Variants in GABRA3 observed in about 807,000 individuals in gnomAD.
The protein encoded by GABRA3 is gamma-aminobutyric acid receptor subunit alpha-3.
GABRA3 carries 10 observed loss-of-function variants against 30.1 expected under a neutral mutation model. The observed-to-expected ratio is 0.33, with a 90% CI of 0.20 to 0.56. The LOEUF is 0.56. Ranked by LOEUF, GABRA3 falls within the 20% of genes least tolerant of loss-of-function variation. GABRA3 has a pLI of 0.89. For synonymous variants in GABRA3, 151 were observed against 146.8 expected, an observed-to-expected ratio of 1.03 and a Z score of -0.21; for missense variants, 233 against 392.0, an observed-to-expected ratio of 0.59 and a Z score of 3.42.
chrX:152,317,427 A>G (rs1455731120), intron 3 of GABRA3, among the ~76,000 whole-genome samples: 2 of 111,913 alleles, frequency 1.8e-5, no homozygotes, highest in South Asian at 7.4e-4. Context: ...CCAAGTCAAC[A>G]TAGAAACAAT....
chrX:152,340,377 T>A (rs978498831), intron 3 of GABRA3, among the ~76,000 whole-genome samples: 3 of 112,238 alleles, frequency 2.7e-5, no homozygotes, highest in Admixed American at 9.5e-5. Flanking sequence ...TACTTATCAT[T>A]TGGTGAGAAT....
At chrX:152,387,590 G>A (rs1929359039) in intron 1 of GABRA3, among the ~76,000 whole-genome samples, 1 of 111,311 alleles carries the variant, frequency 9.0e-6, no homozygotes, top group African/African-American at 3.3e-5. Flanking sequence ...TACATATATA[G>A]TGTTTCATAT....
At chrX:152,391,517 G>A (rs774278643) in intron 1 of GABRA3, among the ~76,000 whole-genome samples, 3 of 111,231 alleles carry the variant, frequency 2.7e-5, no homozygotes, top group Admixed American at 9.6e-5. Context: ...CATGACATGC[G>A]CTCCAATGAT....
At chrX:152,239,227 A>C (rs1425475591) in intron 5 of GABRA3, among the ~76,000 whole-genome samples, 8 of 101,182 alleles carry the variant, frequency 7.9e-5, no homozygotes, top group African/African-American at 1.8e-4. Flanking sequence ...GAACATCTTT[A>C]TTTCTGCCTT....
chrX:152,323,402 G>C (rs756138554), intron 3 of GABRA3, among the ~76,000 whole-genome samples: 40 of 111,605 alleles, frequency 3.6e-4, no homozygotes, highest in Non-Finnish European at 7.3e-4. Context: ...CCTTGAACGG[G>C]AAAGTTTCCT....
chrX:152,291,034 T>C (rs1030634585), intron 3 of GABRA3, among the ~76,000 whole-genome samples: 2 of 111,976 alleles, frequency 1.8e-5, no homozygotes, highest in South Asian at 3.8e-4. Flanking sequence ...AAAGTAGTTT[T>C]TTTCCAATTC....
intron 7 of GABRA3, among the ~76,000 whole-genome samples, chrX:152,200,142 G>C (rs1043403569): frequency 1.3e-4 from 15 of 111,980 alleles, no homozygotes; most frequent in African/African-American, 4.5e-4. Flanking sequence ...ATCTCTCAAA[G>C]AGTAAAAGCC....
chrX:152,427,318 T>A (rs1254448396), intron 1 of GABRA3, among the ~76,000 whole-genome samples: 1 of 111,513 alleles, frequency 9.0e-6, no homozygotes, highest in Non-Finnish European at 1.9e-5. Flanking sequence ...TATTTTCACA[T>A]CTCATTCTGT....
intron 2 of GABRA3, among the ~76,000 whole-genome samples, chrX:152,351,442 A>G (rs1276636604): frequency 9.0e-6 from 1 of 111,501 alleles, no homozygotes; most frequent in Admixed American, 9.6e-5. Context: ...AACCTCATGA[A>G]CCAACCTCCA....
intron 5 of GABRA3, among the ~76,000 whole-genome samples, chrX:152,238,959 G>T (rs111257808): frequency 9.0e-6 from 1 of 110,910 alleles, no homozygotes; most frequent in Non-Finnish European, 1.9e-5. Flanking sequence ...TGGATTCATT[G>T]ATTTTTTGAA....
At chrX:152,179,915 A>C (rs1007935596) in intron 9 of GABRA3, among the ~76,000 whole-genome samples, 1 of 111,639 alleles carries the variant, frequency 9.0e-6, no homozygotes, top group African/African-American at 3.3e-5. Flanking sequence ...TTAAAGGCTG[A>C]ATAGTATTCC....
intron 4 of GABRA3, among the ~76,000 whole-genome samples, chrX:152,270,865 A>G (rs1938921076): frequency 9.1e-6 from 1 of 109,627 alleles, no homozygotes; most frequent in African/African-American, 3.3e-5. Flanking sequence ...AAAAAAAAAA[A>G]AAAGACAGGA....
chrX:152,389,837 C>T (rs1351789033), intron 1 of GABRA3, among the ~76,000 whole-genome samples: 1 of 110,431 alleles, frequency 9.1e-6, no homozygotes, highest in Non-Finnish European at 1.9e-5. Context: ...ATGGCATTTT[C>T]GGTGCAGGAT....
At position 152,315,321 on chromosome X, in the gene GABRA3, G is replaced by T. The variant is rs910390650; in HGVS notation, c.262+30260C>A. On this transcript the variant is annotated intron_variant, in intron 3 of 9. Coordinates refer to ENST00000370314, the MANE Select transcript of GABRA3 (RefSeq NM_000808.4). ...ATTTAGAGAGCCACGCAAAATACAG[G>T]GGTAGAGGAAGCAGCGGGAAGTCCT... Among the ~76,000 whole-genome samples, 6 of 111,232 alleles carry T rather than the reference G, an allele frequency of 5.4e-5. No homozygotes were observed. The Admixed American group carries it at 5.7e-4, about 11-fold the overall frequency.
intron 2 of GABRA3, 95 bp downstream of exon 2, chrX:152,364,336 T>C: frequency 1.2e-6 from 1 of 813,812 alleles, no homozygotes; most frequent in Non-Finnish European, 1.8e-6. Context: ...GAGACCAGAG[T>C]ACTTGGGTTC....
intron 9 of GABRA3, among the ~76,000 whole-genome samples, chrX:152,178,281 T>C (rs900487551): frequency 1.8e-5 from 2 of 110,817 alleles, no homozygotes; most frequent in Non-Finnish European, 3.8e-5. Flanking sequence ...TGTGTGTGTG[T>C]GTGTTTCAAT....
intron 1 of GABRA3, among the ~76,000 whole-genome samples, chrX:152,367,345 C>T (rs967096529): frequency 4.5e-5 from 5 of 111,519 alleles, no homozygotes; most frequent in African/African-American, 1.6e-4. Flanking sequence ...CTCAGATAAT[C>T]ATGGTGTTAG....
At chrX:152,227,891 G>A (rs761733975) in intron 5 of GABRA3, among the ~76,000 whole-genome samples, 2 of 111,086 alleles carry the variant, frequency 1.8e-5, no homozygotes, top group African/African-American at 3.3e-5. Context: ...TGAGGGTAAC[G>A]GTCTCCTCAG....
At chrX:152,224,313 T>G (rs947811253) in intron 6 of GABRA3, among the ~76,000 whole-genome samples, 2 of 111,770 alleles carry the variant, frequency 1.8e-5, no homozygotes, top group African/African-American at 6.5e-5. Context: ...ATCTTCAGAG[T>G]CTCTTCCTGC....
Sources: gnomAD v4.1 joint callset for allele counts (sites outside exome capture counted in the v4.1 genomes callset) on GRCh38, gnomAD v4.1.1 for gene constraint, MANE v1.5 for transcripts, NCBI Gene and HGNC (gene_info 2026-07-23, HGNC 2026-07-21) for gene names.